The following ZNF200 variants were observed in gnomAD, a reference collection of about 807,000 sequenced individuals.
ZNF200 encodes zinc finger protein 200.
A neutral mutation model predicts 33.6 loss-of-function variants in ZNF200; 35 were observed. That is an observed-to-expected ratio of 1.04 (90% CI 0.80 to 1.38). The LOEUF is 1.38. Among genes scored for constraint, ZNF200 ranks in the 40% most tolerant of loss-of-function variants. The pLI, the probability that ZNF200 is intolerant of heterozygous loss-of-function variation, is 0.00. For missense variants in ZNF200, 592 were observed against 470.6 expected, an observed-to-expected ratio of 1.26 and a Z score of -2.39; for synonymous variants, 209 against 167.7, an observed-to-expected ratio of 1.25 and a Z score of -1.90.
Position 3,234,081 on chromosome 16 carries a change from C to T in ZNF200, c.-81-245G>A, listed in dbSNP as rs563341346. On this transcript the variant is annotated intron_variant, in intron 1 of 4. Transcript: ENST00000414144. ...CAAAGGGAAGGGAGTAAGGGTGGAG[C>T]GGAGAAGGCCAAGGTCCAGCCTCCT... The T allele has an allele frequency of 3.0e-5, 6 of 198,684 alleles. No individual in the cohort carries two copies. The South Asian group carries it at 3.9e-4, about 13-fold the overall frequency. 12.3% of individuals were successfully genotyped at this position (198,684 alleles called of 1,614,324 possible).
chr16:3,224,503 A>G lies in ZNF200; in HGVS notation c.577T>C (p.Ser193Pro). 1 of 1,614,178 alleles carries G rather than the reference A, an allele frequency of 6.2e-7. No homozygotes were observed. The highest frequency in any genetic ancestry group is 1.1e-5 in the South Asian group (1 of 91,086). ...TCCTGGTTATCGGGAGGCTGCTGAG[A>G]GACCAAGGAAGAATCCATTTCATCA... Reference protein sequence around the residue: ...DDDEMDSSLVSQQPPDNQEKE... With the variant: ...DDDEMDSSLVPQQPPDNQEKE... Residue 193 changes from serine (S) to proline (P), a missense_variant, in exon 5 of 5, where the codon TCT becomes CCT. By Grantham distance (74) the Ser-to-Pro change is moderately conservative (BLOSUM62 -1). Coordinates refer to ENST00000414144, the MANE Select transcript of ZNF200 (RefSeq NM_198088.3).
In ZNF200 at chr16:3,223,887, C is replaced by T; in HGVS notation, c.*5G>A. 6.2e-7 allele frequency: 1 copy of T among 1,602,822 alleles called. No homozygotes were observed. Among genetic ancestry groups the T allele is most frequent in the Non-Finnish European group, 8.5e-7 (1 of 1,174,136 alleles). ...CACCATCAGACCCAGAAAGGGTTCCCAGTATTACTTCTGCTTTCGGGTCTT... is the reference window on the plus strand; with the variant it reads ...CACCATCAGACCCAGAAAGGGTTCCTAGTATTACTTCTGCTTTCGGGTCTT... On this transcript the variant is annotated 3_prime_UTR_variant, in exon 5 of 5. Coordinates refer to ENST00000414144, the MANE Select transcript of ZNF200 (RefSeq NM_198088.3).
intron 4 of ZNF200, 164 bp from the exon 5 acceptor site, chr16:3,224,777 T>C: frequency 1.2e-6 from 1 of 807,070 alleles, no homozygotes; most frequent in Non-Finnish European, 1.9e-6. Context: ...GTGGGATACA[T>C]AACTGATAAA....
At chr16:3,232,282 G>C (rs1958654778) in intron 4 of ZNF200, 139 bp downstream of exon 4, 1 of 1,074,262 alleles carries the variant, frequency 9.3e-7, no homozygotes, top group South Asian at 1.6e-5. Context: ...CTGCTACATT[G>C]AATAAAACAA....
chr16:3,224,675 C>A (rs958421323), intron 4 of ZNF200, 62 bp from the exon 5 acceptor site: 1 of 1,511,880 alleles, frequency 6.6e-7, no homozygotes, highest in South Asian at 1.3e-5. Context: ...CAGGAAAAAA[C>A]AAGTCAGGTT....
chr16:3,231,505 C>G (rs1329775410), intron 4 of ZNF200, among the ~76,000 whole-genome samples: 1 of 152,194 alleles, frequency 6.6e-6, no homozygotes, highest in Non-Finnish European at 1.5e-5. Context: ...GTCCGGCACT[C>G]AGTAAAGACA....
chr16:3,234,488 G>C (rs1002407750), intron 1 of ZNF200: 4 of 152,060 alleles, frequency 2.6e-5, no homozygotes, highest in African/African-American at 7.3e-5. Context: ...AGAAAAGACA[G>C]AAAGAAAGAC....
rs376401632 is a variant in ZNF200 at position 3,233,842 on chromosome 16, G to C, written c.-81-6C>G. ...AAATCTGCCAGAGAGCCAAGCTGTA[G>C]ACAGAGAAACCAGGGATTACCCAAA... is the stretch of plus-strand genomic sequence containing the variant. On this transcript the variant is annotated splice_polypyrimidine_tract_variant and splice_region_variant and intron_variant, in intron 1 of 4. Transcript: ENST00000414144. The C allele has an allele frequency of 1.3e-6, 2 of 1,513,922 alleles. No homozygotes were observed. The highest frequency in any genetic ancestry group is 1.8e-6 in the Non-Finnish European group (2 of 1,132,898). 93.8% of individuals were successfully genotyped at this position (1,513,922 alleles called of 1,614,324 possible). A position where few individuals can be genotyped will look rare whatever the true frequency, so the allele number is the denominator to read the frequency against.
intron 4 of ZNF200, chr16:3,227,399 T>A (rs972455435): frequency 2.6e-5 from 4 of 152,268 alleles, no homozygotes; most frequent in Non-Finnish European, 4.4e-5. Context: ...AAATCTTTGA[T>A]CCATGTGGAC....
chr16:3,230,598 C>T (rs1958609265), intron 4 of ZNF200, among the ~76,000 whole-genome samples: 3 of 152,226 alleles, frequency 2.0e-5, no homozygotes, highest in Admixed American at 1.3e-4. Flanking sequence ...CCAACACACA[C>T]ATTCTCTGTT....
chr16:3,232,537 A>G lies in ZNF200; in HGVS notation c.350T>C (p.Val117Ala), dbSNP rs1405402456. The G allele has an allele frequency of 2.5e-6, 4 of 1,613,774 alleles. No individual in the cohort carries two copies. In the Admixed American group the frequency reaches 6.7e-5, roughly 27 times the overall value. The change falls in exon 4 of 5, where the codon GTC becomes GCC. Residue 117 changes from valine to alanine, a missense_variant. Transcript: ENST00000414144. ...YLKANPEELV[V>A]FEDLNVFHCQ... ...GTGAAATACATTCAAATCCTCAAAG[A>G]CCACCAGCTCCTGAAAGAGCAAGAG...
At chr16:3,228,483 A>ATTATTTCTGTTTTT in intron 4 of ZNF200, among the ~76,000 whole-genome samples, 1 of 150,704 alleles carries the variant, frequency 6.6e-6, no homozygotes, top group African/African-American at 2.4e-5. Context: ...ATAGATTTGT[A>ATTATTTCTGTTTTT]TTATTTCTGT....
chr16:3,227,942 G>A (rs561383657), intron 4 of ZNF200: 1 of 152,054 alleles, frequency 6.6e-6, no homozygotes, highest in African/African-American at 2.4e-5. Flanking sequence ...AGGGAAAAAT[G>A]CTATTGGTAT....
rs745423183 is a variant in ZNF200 at position 3,232,925 on chromosome 16, G to C, written c.251-4C>G. On this transcript the variant is annotated splice_region_variant and splice_polypyrimidine_tract_variant and intron_variant, in intron 2 of 4. Transcript: ENST00000414144. ...TTCACCAAGGGACGAGGATGCACTG[G>C]GGAAAGAGGAAGGTTTAGTTAGTGA... is the stretch of plus-strand genomic sequence containing the variant. 8 of 1,613,252 alleles carry C rather than the reference G, an allele frequency of 5.0e-6. No homozygotes were observed. The highest frequency in any genetic ancestry group is 6.8e-6 in the Non-Finnish European group (8 of 1,179,580).
Position 3,232,437 on chromosome 16 carries a change from C to A in ZNF200, c.450G>T (p.Gly150=). Residue 150 remains glycine (G), a synonymous_variant, in exon 4 of 5, where the codon GGG becomes GGT. Transcript: ENST00000414144. ...ATTTCTTACCCAGTAACATCATTTC[C>A]CCGACACTGCTGTCATCTTCCTTCT... ...TSEKEDDSSV[G]EMMLLAVNGS... is the part of the protein sequence containing the mutation. The A allele has an allele frequency of 1.2e-6, 2 of 1,613,850 alleles. No individual in the cohort carries two copies. Among genetic ancestry groups the A allele is most frequent in the Non-Finnish European group, 1.7e-6 (2 of 1,179,892 alleles).
At chr16:3,232,641 G>A (rs1958666067) in intron 3 of ZNF200, 94 bp from the exon 4 acceptor site, 1 of 1,554,170 alleles carries the variant, frequency 6.4e-7, no homozygotes, top group African/African-American at 1.4e-5. Flanking sequence ...TCAAGGGAAG[G>A]GATAGCAAGA....
chr16:3,228,375 T>C (rs1031979391), intron 4 of ZNF200, among the ~76,000 whole-genome samples: 2 of 152,184 alleles, frequency 1.3e-5, no homozygotes, highest in Non-Finnish European at 2.9e-5. Context: ...TTTTGTTAAA[T>C]GTTCTTATAA....
chr16:3,229,292 C>A (rs1403041115), intron 4 of ZNF200, among the ~76,000 whole-genome samples: 1 of 151,916 alleles, frequency 6.6e-6, no homozygotes, highest in Non-Finnish European at 1.5e-5. Flanking sequence ...TAAGAGAGCT[C>A]ATGGCTGTAA....
Position 3,226,128 on chromosome 16 carries a change from C to T in ZNF200, c.467-1515G>A, listed in dbSNP as rs1424829711. The T allele has an allele frequency of 2.0e-5, 3 of 148,140 alleles. No homozygotes were observed. The East Asian group carries it at 6.1e-4, about 30-fold the overall frequency. The allele number at this position is 148,140 out of a possible 1,614,324, so 9.2% of individuals were successfully genotyped here. A position where few individuals can be genotyped will look rare whatever the true frequency, so the allele number is the denominator to read the frequency against. ...AGTGCAATGGCACCATCTCAGTTCA[C>T]TGCAAGCTCCGCCTCCTGGGTTCAC... On this transcript the variant is annotated intron_variant, in intron 4 of 4. Coordinates refer to ENST00000414144, the MANE Select transcript of ZNF200 (RefSeq NM_198088.3).
Sources: allele counts gnomAD v4.1 joint callset (sites outside exome capture counted in the v4.1 genomes callset), GRCh38; gene constraint gnomAD v4.1.1; transcripts MANE v1.5; gene names NCBI Gene and HGNC (gene_info 2026-07-23, HGNC 2026-07-21).